CNTNAP2: variants seen among roughly 807,000 people sequenced by gnomAD.
CNTNAP2 encodes the protein contactin-associated protein-like 2.
A neutral mutation model predicts 155.2 loss-of-function variants in CNTNAP2; 98 were observed. That is an observed-to-expected ratio of 0.63 (90% CI 0.54 to 0.75). CNTNAP2 has a LOEUF of 0.75. CNTNAP2 is among the 30% of genes least tolerant of loss of function. The pLI, the probability that CNTNAP2 is intolerant of heterozygous loss-of-function variation, is 0.00. For missense variants in CNTNAP2, 1,727 were observed against 1,688.1 expected (o/e 1.02, Z -0.40); for synonymous variants, 651 against 631.2 (o/e 1.03, Z -0.47).
Position 146,442,437 on chromosome 7 carries a change from T to C in CNTNAP2, c.97+325464T>C, listed in dbSNP as rs543751520. On this transcript the variant is annotated intron_variant, in intron 1 of 23. Coordinates refer to ENST00000361727, the MANE Select transcript of CNTNAP2 (RefSeq NM_014141.6). ...GGAAAAATTCTCAATCCATTTGGGG[T>C]GTGTGTGTGTGTGCGTGCGCATGTG... is the stretch of plus-strand genomic sequence containing the variant. 1.4e-5 allele frequency among the ~76,000 whole-genome samples: 2 copies of C among 146,564 alleles called. 1 individual carries two copies. The highest frequency in any genetic ancestry group is 5.5e-5 in the African/African-American group (2 of 36,632).
chr7:148,168,130 C>T (rs1485076758), intron 17 of CNTNAP2, among the ~76,000 whole-genome samples: 2 of 151,982 alleles, frequency 1.3e-5, no homozygotes, highest in Admixed American at 1.3e-4. Context: ...TAAACTAGTT[C>T]AACCATTGTG....
chr7:146,744,160 A>G (rs1171106178), intron 1 of CNTNAP2, among the ~76,000 whole-genome samples: 1 of 144,030 alleles, frequency 6.9e-6, no homozygotes, highest in East Asian at 2.1e-4. Flanking sequence ...CCTGGGGGGA[A>G]GAGGTTGCAG....
At chr7:147,927,639 C>G (rs1800419192) in intron 14 of CNTNAP2, among the ~76,000 whole-genome samples, 1 of 152,104 alleles carries the variant, frequency 6.6e-6, no homozygotes, top group African/African-American at 2.4e-5. Context: ...TATGCAATAT[C>G]TTCAGAATTT....
intron 1 of CNTNAP2, among the ~76,000 whole-genome samples, chr7:146,585,738 GAA>G (rs765734138): frequency 7.9e-6 from 1 of 127,358 alleles, no homozygotes; most frequent in Non-Finnish European, 1.6e-5. Flanking sequence ...AAGAAAGAAA[GAA>G]AAAGAAAGAA....
chr7:146,426,212 T>TAAAAAAAAAAAAAAAAAA (rs1554431713), intron 1 of CNTNAP2, among the ~76,000 whole-genome samples: 32 of 113,246 alleles, frequency 2.8e-4, no homozygotes, highest in African/African-American at 9.5e-4. Flanking sequence ...AAAAAAAAAT[T>TAAAAAAAAAAAAAAAAAA]AAAACTTAAG....
intron 3 of CNTNAP2, among the ~76,000 whole-genome samples, chr7:146,928,717 C>T (rs1275439236): frequency 6.6e-6 from 1 of 152,178 alleles, no homozygotes; most frequent in Admixed American, 6.5e-5. Flanking sequence ...TCTGGAAAAT[C>T]GGGTCACTCC....
intron 1 of CNTNAP2, among the ~76,000 whole-genome samples, chr7:146,770,983 T>C (rs1277812565): frequency 6.6e-6 from 1 of 152,110 alleles, no homozygotes; most frequent in Admixed American, 6.5e-5. Flanking sequence ...TCTCCTAGCA[T>C]GATCCTGCAG....
In CNTNAP2 at chr7:148,415,615, G is replaced by A. The variant is rs1203861875; in HGVS notation, c.3995G>A (p.Ter1332=). ...IDESKKEWLI[*] The stretch of plus-strand genomic sequence containing the variant: ...GAAAGCAAAAAGGAATGGCTCATTT[G>A]AGGGGTGGCTACTTGGCTATGGGAT... The change falls in exon 24 of 24, where the codon TGA becomes TAA. Residue 1332 remains the stop codon, a stop_retained_variant. Coordinates refer to ENST00000361727, the MANE Select transcript of CNTNAP2 (RefSeq NM_014141.6). 10 of 1,614,048 alleles carry A rather than the reference G, an allele frequency of 6.2e-6. No individual in the cohort carries two copies. In the Admixed American group the frequency reaches 1.7e-4, roughly 27 times the overall value.
intron 11 of CNTNAP2, among the ~76,000 whole-genome samples, chr7:147,537,036 C>G (rs557456684): frequency 1.3e-5 from 2 of 152,294 alleles, no homozygotes; most frequent in African/African-American, 2.4e-5. Context: ...CCTGCCTGCT[C>G]TATTCCATTC....
intron 13 of CNTNAP2, among the ~76,000 whole-genome samples, chr7:147,647,400 T>C (rs988490451): frequency 2.0e-5 from 3 of 152,044 alleles, no homozygotes; most frequent in Non-Finnish European, 4.4e-5. Context: ...ACAGATTAAC[T>C]GGTAAGCAAA....
intron 1 of CNTNAP2, among the ~76,000 whole-genome samples, chr7:146,546,244 T>G (rs1462223988): frequency 6.6e-6 from 1 of 151,968 alleles, no homozygotes; most frequent in African/African-American, 2.4e-5. Flanking sequence ...TGAAATTGAC[T>G]TGGTAGAAAA....
chr7:147,562,945 C>A (rs746040984), intron 12 of CNTNAP2, among the ~76,000 whole-genome samples: 1 of 152,094 alleles, frequency 6.6e-6, no homozygotes, highest in Non-Finnish European at 1.5e-5. Context: ...TTTACTGGCT[C>A]CAGCAAAAGA....
chr7:147,601,644 A>AAAAATATATAT (rs1299075338), intron 12 of CNTNAP2, among the ~76,000 whole-genome samples: 2 of 87,468 alleles, frequency 2.3e-5, no homozygotes, highest in East Asian at 3.4e-4. Context: ...CTTAAAAAAA[A>AAAAATATATAT]ATATATATAT....
At chr7:146,538,704 C>G (rs570085822) in intron 1 of CNTNAP2, among the ~76,000 whole-genome samples, 1 of 151,950 alleles carries the variant, frequency 6.6e-6, no homozygotes, top group African/African-American at 2.4e-5. Context: ...GAAATCAAGG[C>G]TTTTCTCCTA....
At chr7:147,990,553 G>T (rs35532322) in intron 15 of CNTNAP2, among the ~76,000 whole-genome samples, 36,608 of 151,758 alleles carry the variant, frequency 0.24, 5,507 homozygotes, top group East Asian at 0.49. Context: ...TTATCTTGGG[G>T]CTGGCATGTC....
At chr7:147,294,932 T>C (rs1462506378) in intron 8 of CNTNAP2, among the ~76,000 whole-genome samples, 2 of 152,160 alleles carry the variant, frequency 1.3e-5, no homozygotes, top group Non-Finnish European at 2.9e-5. Flanking sequence ...AGTGCTGGGA[T>C]TGCAGGTGTG....
At chr7:146,376,409 TATA>T (rs1269177162) in intron 1 of CNTNAP2, among the ~76,000 whole-genome samples, 1 of 152,084 alleles carries the variant, frequency 6.6e-6, no homozygotes, top group Non-Finnish European at 1.5e-5. Flanking sequence ...TACAACATGC[TATA>T]ATATTTCTCA....
At chr7:147,043,825 T>G in intron 3 of CNTNAP2, 82 bp from the exon 4 acceptor site, 2 of 1,516,086 alleles carry the variant, frequency 1.3e-6, no homozygotes, top group Non-Finnish European at 1.8e-6. Context: ...TGGATGACAT[T>G]TGTGTTTATT....
intron 1 of CNTNAP2, among the ~76,000 whole-genome samples, chr7:146,663,451 T>G (rs2129166483): frequency 6.6e-6 from 1 of 152,090 alleles, no homozygotes; most frequent in South Asian, 2.1e-4. Flanking sequence ...GAGATTGCAT[T>G]GAATGTATAA....
Sources: gnomAD v4.1 joint callset for allele counts (sites outside exome capture counted in the v4.1 genomes callset) on GRCh38, gnomAD v4.1.1 for gene constraint, MANE v1.5 for transcripts, NCBI Gene and HGNC (gene_info 2026-07-23, HGNC 2026-07-21) for gene names.